The following NXN variants were observed in gnomAD, a reference collection of about 807,000 sequenced individuals.
NXN encodes the protein nucleoredoxin.
Under a neutral mutation model 48.6 loss-of-function variants are expected in NXN, and 16 were observed. The ratio of observed to expected loss-of-function variants is 0.33; its 90% CI spans 0.22 to 0.50. The LOEUF (loss-of-function observed/expected upper bound fraction) is 0.50, where lower values mean the gene tolerates loss of function less well. NXN is among the 20% of genes least tolerant of loss of function. NXN has a pLI of 0.98. For synonymous variants in NXN, 281 were observed against 269.6 expected, an observed-to-expected ratio of 1.04 and a Z score of -0.41; for missense variants, 492 against 605.5, an observed-to-expected ratio of 0.81 and a Z score of 1.97.
intron 1 of NXN, among the ~76,000 whole-genome samples, chr17:827,992 G>C (rs1913224535): frequency 6.6e-6 from 1 of 152,214 alleles, no homozygotes; most frequent in Admixed American, 6.5e-5. Context: ...ACTTCAATCT[G>C]GGTGGGCCCT....
intron 6 of NXN, 48 bp downstream of exon 6, chr17:805,020 T>TACCCCCC: frequency 6.6e-7 from 1 of 1,512,882 alleles, no homozygotes; most frequent in Non-Finnish European, 9.0e-7. Flanking sequence ...GCCCCTCCTG[T>TACCCCCC]CCCGCCCCCC....
intron 1 of NXN, among the ~76,000 whole-genome samples, chr17:926,289 C>T (rs1244507998): frequency 6.6e-6 from 1 of 152,180 alleles, no homozygotes; most frequent in Non-Finnish European, 1.5e-5. Flanking sequence ...CGGGCTCAAG[C>T]AATCCTCCCA....
intron 1 of NXN, among the ~76,000 whole-genome samples, chr17:939,709 T>C (rs957074751): frequency 5.3e-5 from 8 of 152,178 alleles, no homozygotes; most frequent in Admixed American, 2.6e-4. Context: ...ATCCTAATTG[T>C]GTAAGACACA....
chr17:842,505 G>A (rs754308850), intron 1 of NXN: 554 of 985,316 alleles, frequency 5.6e-4, no homozygotes, highest in Non-Finnish European at 6.4e-4. Context: ...ACACGGGGCC[G>A]CGTCTCACAT....
chr17:812,895 GGT>G (rs201366277), intron 5 of NXN, among the ~76,000 whole-genome samples: 3,590 of 142,184 alleles, frequency 0.025, 130 homozygotes, highest in African/African-American at 0.084. Flanking sequence ...TGTGAATGTA[GGT>G]GTGTGCATGT....
chr17:900,302 G>T lies in NXN; in HGVS notation c.361-74224C>A, dbSNP rs568496567. Among the ~76,000 whole-genome samples, 12 of 152,036 alleles carry T rather than the reference G, an allele frequency of 7.9e-5. 1 individual carries two copies. The South Asian group carries it at 2.5e-3, about 32-fold the overall frequency. On this transcript the variant is annotated intron_variant, in intron 1 of 7. Coordinates refer to ENST00000336868, the MANE Select transcript of NXN (RefSeq NM_022463.5). ...AAGGAAAAAAAAACACAAACTTTCT[G>T]AAGATATAGCCAAAAAGCTCATGAA... is the stretch of plus-strand genomic sequence containing the variant.
At chr17:973,603 T>C (rs1215029561) in intron 1 of NXN, among the ~76,000 whole-genome samples, 1 of 152,132 alleles carries the variant, frequency 6.6e-6, no homozygotes, top group African/African-American at 2.4e-5. Flanking sequence ...TCCCGGGACT[T>C]TAAGGCACTG....
At chr17:921,536 G>A (rs2068750399) in intron 1 of NXN, among the ~76,000 whole-genome samples, 1 of 152,116 alleles carries the variant, frequency 6.6e-6, no homozygotes. Flanking sequence ...CTGAATGCTG[G>A]GGGTGATGGT....
chr17:944,809 C>G (rs1439090078), intron 1 of NXN, among the ~76,000 whole-genome samples: 1 of 151,994 alleles, frequency 6.6e-6, no homozygotes, highest in Non-Finnish European at 1.5e-5. Flanking sequence ...GGGCAGAGGT[C>G]AAAAATTGTT....
At chr17:970,215 CGTG>C (rs1044873346) in intron 1 of NXN, among the ~76,000 whole-genome samples, 1 of 152,102 alleles carries the variant, frequency 6.6e-6, no homozygotes, top group African/African-American at 2.4e-5. Flanking sequence ...TCTGCCTCGT[CGTG>C]GTGCAGAAAG....
chr17:843,048 GA>G (rs1429111304), intron 1 of NXN, among the ~76,000 whole-genome samples: 84 of 126,054 alleles, frequency 6.7e-4, no homozygotes, highest in South Asian at 1.9e-3. Context: ...AAGAAAGAAA[GA>G]AAGAAAGAAG....
chr17:897,286 T>C (rs1567853831), intron 1 of NXN, among the ~76,000 whole-genome samples: 3 of 152,172 alleles, frequency 2.0e-5, no homozygotes, highest in Admixed American at 6.5e-5. Flanking sequence ...GACATCAAAA[T>C]GACAGCAGAG....
chr17:926,526 T>C (rs11871138), intron 1 of NXN, among the ~76,000 whole-genome samples: 57,248 of 121,690 alleles, frequency 0.47, 11,614 homozygotes, highest in East Asian at 0.67. Context: ...GAGTATCCCA[T>C]GTTTTTTGTT....
chr17:831,445 CTTTA>C (rs1260938372), intron 1 of NXN, among the ~76,000 whole-genome samples: 2 of 149,008 alleles, frequency 1.3e-5, no homozygotes, highest in Non-Finnish European at 3.0e-5. Context: ...TGAGGGCCGA[CTTTA>C]TTTATTCATT....
intron 1 of NXN, among the ~76,000 whole-genome samples, chr17:945,772 C>A (rs1275078431): frequency 6.6e-6 from 1 of 152,162 alleles, no homozygotes; most frequent in Non-Finnish European, 1.5e-5. Flanking sequence ...CAAAGCCAGG[C>A]CCAATGCCTG....
At chr17:832,353 A>AC in intron 1 of NXN, among the ~76,000 whole-genome samples, 1 of 143,438 alleles carries the variant, frequency 7.0e-6, no homozygotes, top group Admixed American at 6.9e-5. Context: ...ACTATTTTGT[A>AC]TTTTTTTTTT....
intron 1 of NXN, among the ~76,000 whole-genome samples, chr17:890,373 A>AT (rs1449053794): frequency 6.6e-6 from 1 of 151,718 alleles, no homozygotes; most frequent in Non-Finnish European, 1.5e-5. Context: ...AAAGAAAGAA[A>AT]TTTTTCTTTT....
At position 830,699 on chromosome 17, in the gene NXN, C is replaced by T. The variant is rs1044781958; in HGVS notation, c.361-4621G>A. The stretch of plus-strand genomic sequence containing the variant: ...ACAGGGAATGACGTGACCTGATTCA[C>T]AGTTTAAAAGGCCATTTGGGGCCGG... On this transcript the variant is annotated intron_variant, in intron 1 of 7. Coordinates refer to ENST00000336868, the MANE Select transcript of NXN (RefSeq NM_022463.5). The surrounding 1 kb of genome is among the most constrained non-coding windows in gnomAD (Gnocchi z 4.2). 6.6e-6 allele frequency among the ~76,000 whole-genome samples: 1 copy of T among 152,168 alleles called. No individual in the cohort carries two copies. The highest frequency in any genetic ancestry group is 1.5e-5 in the Non-Finnish European group (1 of 68,036).
chr17:841,431 CGGGCGAGCAGG>C (rs1567827447), intron 1 of NXN, among the ~76,000 whole-genome samples: 31 of 122,738 alleles, frequency 2.5e-4, no homozygotes, highest in Non-Finnish European at 4.4e-4. Flanking sequence ...GCATCTCACA[CGGGCGAGCAGG>C]TCCCCCTGAC....
Sources: allele counts gnomAD v4.1 joint callset (sites outside exome capture counted in the v4.1 genomes callset), GRCh38; gene constraint gnomAD v4.1.1; non-coding constraint Gnocchi (gnomAD v3.1); transcripts MANE v1.5; gene names NCBI Gene and HGNC (gene_info 2026-07-23, HGNC 2026-07-21).